The following MED14 variants were observed in gnomAD, a reference collection of about 807,000 sequenced individuals.
MED14 encodes mediator of RNA polymerase II transcription subunit 14.
Under a neutral mutation model 109.0 loss-of-function variants are expected in MED14, and 8 were observed. The ratio of observed to expected loss-of-function variants is 0.07; its 90% confidence interval spans 0.04 to 0.13. The LOEUF (loss-of-function observed/expected upper bound fraction) is 0.13, where lower values mean the gene tolerates loss of function less well. MED14 is among the 10% of genes least tolerant of loss of function. MED14 has a pLI of 1.00. For synonymous variants in MED14, 399 were observed against 408.7 expected (o/e 0.98, Z 0.29); for missense variants, 711 against 1,142.4 (o/e 0.62, Z 5.44).
intron 16 of MED14, among the ~76,000 whole-genome samples, chrX:40,686,545 T>G (rs5918025): frequency 0.37 from 41,359 of 110,629 alleles, 8,290 homozygotes; most frequent in African/African-American, 0.79. Flanking sequence ...TGTGGAAATG[T>G]TGTTAAGATA....
chrX:40,705,320 A>C (rs779653380), intron 10 of MED14, among the ~76,000 whole-genome samples: 1 of 112,213 alleles, frequency 8.9e-6, no homozygotes, highest in Non-Finnish European at 1.9e-5. Context: ...CAACAGAGTA[A>C]AACTAGTTCT....
intron 23 of MED14, among the ~76,000 whole-genome samples, chrX:40,671,560 C>T (rs1929732023): frequency 8.9e-6 from 1 of 112,339 alleles, no homozygotes; most frequent in South Asian, 3.7e-4. Context: ...GGATTTGGCT[C>T]ATAGGCCTTA....
Position 40,650,037 on chromosome X carries a change from C to T in MED14, c.*1769G>A. 1 of 744,601 alleles carries T rather than the reference C, an allele frequency of 1.3e-6. No individual in the cohort carries two copies. Among genetic ancestry groups the T allele is most frequent in the Non-Finnish European group, 1.6e-6 (1 of 630,294 alleles). 61.4% of individuals were successfully genotyped at this position (744,601 alleles called of 1,213,427 possible). ...CAATATTATCCTGCAGATAAAAATA[C>T]ATTTCTTGTATATACATGTAGATTT... On this transcript the variant is annotated 3_prime_UTR_variant, in exon 31 of 31. Transcript: ENST00000324817.
At chrX:40,680,171 G>A (rs1167067800) in intron 20 of MED14, 38 bp from the exon 21 acceptor site, 1 of 1,174,293 alleles carries the variant, frequency 8.5e-7, no homozygotes, top group Non-Finnish European at 1.1e-6. Flanking sequence ...GCCAGTTTCT[G>A]TACAAATGTT....
At chrX:40,735,709 A>G (rs1425969156), upstream of MED14, 1 of 449,702 alleles carries the variant, frequency 2.2e-6, no homozygotes, top group East Asian at 4.6e-5. Context: ...TTCGCCAGAC[A>G]GCCGCAACGT....
intron 16 of MED14, among the ~76,000 whole-genome samples, chrX:40,687,070 T>G (rs1930321370): frequency 9.0e-6 from 1 of 111,584 alleles, no homozygotes; most frequent in Non-Finnish European, 1.9e-5. Flanking sequence ...TATCTACTTC[T>G]CCTTCCCAGA....
chrX:40,698,004 T>C (rs947434391), intron 12 of MED14, among the ~76,000 whole-genome samples: 9 of 112,182 alleles, frequency 8.0e-5, no homozygotes, highest in African/African-American at 2.9e-4. Flanking sequence ...GTTTTTTTCA[T>C]TGAAAGACAA....
intron 15 of MED14, among the ~76,000 whole-genome samples, 165 bp downstream of exon 15, chrX:40,692,018 A>G (rs1471404272): frequency 1.8e-5 from 2 of 111,429 alleles, no homozygotes; most frequent in African/African-American, 6.5e-5. Flanking sequence ...CATGTTTTAC[A>G]TGTATACCAT....
intron 16 of MED14, among the ~76,000 whole-genome samples, chrX:40,685,573 C>G (rs4827041): frequency 0.23 from 25,222 of 111,366 alleles, 2,423 homozygotes; most frequent in African/African-American, 0.38. Flanking sequence ...TACTACTGCA[C>G]ATGACTGTGA....
At position 40,666,844 on chromosome X, in the gene MED14, C is replaced by T; in HGVS notation, c.3141G>A (p.Leu1047=). 8.6e-7 allele frequency: 1 copy of T among 1,167,175 alleles called. No individual in the cohort carries two copies. Among genetic ancestry groups the T allele is most frequent in the Non-Finnish European group, 1.1e-6 (1 of 873,362 alleles). ...CCCCACTGGGGGAGCTGGCAGCATGCAGATTTCCTAATAAAGGAAAATAAT... is the reference window on the plus strand; with the variant it reads ...CCCCACTGGGGGAGCTGGCAGCATGTAGATTTCCTAATAAAGGAAAATAAT... The part of the protein sequence containing the change: ...SMMHTQSPGN[L]HAASSPSGAL... Residue 1047 remains leucine (L), a synonymous_variant, in exon 24 of 31, where the codon CTG becomes CTA. Transcript: ENST00000324817.
At chrX:40,686,732 C>G (rs1288890665) in intron 16 of MED14, among the ~76,000 whole-genome samples, 4 of 111,716 alleles carry the variant, frequency 3.6e-5, no homozygotes, top group Non-Finnish European at 7.5e-5. Context: ...TCTTAGCAGA[C>G]AGAGGAATTC....
In MED14 at chrX:40,692,816, T is replaced by A; in HGVS notation, c.1737A>T (p.Glu579Asp). Reference sequence around the variant, plus strand: ...GCAGCAATGCCATTGCAGGGCTGTCTTCACGATCTGCAGCATTCACAGACA... The same window carrying A: ...GCAGCAATGCCATTGCAGGGCTGTCATCACGATCTGCAGCATTCACAGACA... The part of the protein sequence containing the change: ...YFMSVNAADR[E>D]DSPAMALLLQ... The change falls in exon 14 of 31, where the codon GAA becomes GAT. Residue 579 changes from glutamate to aspartate, a missense_variant. Physicochemically the swap from Glu to Asp is conservative, Grantham distance 45. This residue lies in a region of MED14 where 388 missense variants were observed against 517.3 expected (regional missense o/e 0.75). Coordinates refer to ENST00000324817, the MANE Select transcript of MED14 (RefSeq NM_004229.4). 1 of 1,209,512 alleles carries A rather than the reference T, an allele frequency of 8.3e-7. No homozygotes were observed. Among genetic ancestry groups the A allele is most frequent in the South Asian group, 1.8e-5 (1 of 56,359 alleles).
Position 40,688,462 on chromosome X carries a change from G to A in MED14, c.2049C>T (p.Arg683=), listed in dbSNP as rs1182085109. The A allele has an allele frequency of 2.5e-6, 3 of 1,200,702 alleles. No homozygotes were observed. The Admixed American group carries it at 6.5e-5, about 26-fold the overall frequency. ...ATATGACAGGGGCTTACTTTAATAA[G>A]CGAATTGCATGGCTGAAGCCATCAC... ...VEGDGFSHAI[R]LLKIPPCKGI... is the part of the protein sequence containing the mutation. The change falls in exon 16 of 31, where the codon CGC becomes CGT. Residue 683 remains arginine, a synonymous_variant. Transcript: ENST00000324817.
At chrX:40,680,953 C>A (rs377281932) in intron 19 of MED14, 43 bp from the exon 20 acceptor site, 35 of 889,071 alleles carry the variant, frequency 3.9e-5, no homozygotes, top group African/African-American at 1.7e-4. Context: ...GAGAAAGTAA[C>A]AGATTCAAGT....
chrX:40,709,914 G>A (rs1931278451), intron 9 of MED14, 65 bp downstream of exon 9: 6 of 804,032 alleles, frequency 7.5e-6, no homozygotes, highest in Non-Finnish European at 1.1e-5. Context: ...TGTGCTAAGA[G>A]TTTAAGGATA....
At position 40,708,395 on chromosome X, in the gene MED14, T is replaced by A. The variant is rs531192294; in HGVS notation, c.1285+953A>T. The stretch of plus-strand genomic sequence containing the variant: ...TCTGTCTTTCCTTCAGGCAATTTTT[T>A]AAAATCTATTTCTGTCAAAGTGATT... On this transcript the variant is annotated intron_variant, in intron 10 of 30. Coordinates refer to ENST00000324817, the MANE Select transcript of MED14 (RefSeq NM_004229.4). Among the ~76,000 whole-genome samples, 5 of 112,206 alleles carry A rather than the reference T, an allele frequency of 4.5e-5. No individual in the cohort carries two copies. The South Asian group carries it at 1.8e-3, about 41-fold the overall frequency.
At chrX:40,735,798 T>G (rs1014480468), upstream of MED14, 18 of 347,588 alleles carry the variant, frequency 5.2e-5, no homozygotes, top group Non-Finnish European at 7.1e-5. Flanking sequence ...CAGGTCTGTG[T>G]CTGTTCTCTC....
chrX:40,713,156 G>T (rs1407330128), intron 5 of MED14, 114 bp from the exon 6 acceptor site: 66 of 745,709 alleles, frequency 8.9e-5, no homozygotes, highest in Non-Finnish European at 1.2e-4. Flanking sequence ...TAGATTGAAG[G>T]TTCTTTCATA....
intron 13 of MED14, 64 bp from the exon 14 acceptor site, chrX:40,692,966 C>T (rs1930583578): frequency 3.7e-6 from 3 of 807,525 alleles, no homozygotes; most frequent in East Asian, 4.0e-5. Flanking sequence ...TTCCTCCGTA[C>T]ATCATCAAGT....
Sources: gnomAD v4.1 joint callset for allele counts (sites outside exome capture counted in the v4.1 genomes callset) on GRCh38, gnomAD v4.1.1 for gene constraint, gnomAD v4.1.1 regional missense constraint, MANE v1.5 for transcripts, NCBI Gene and HGNC (gene_info 2026-07-23, HGNC 2026-07-21) for gene names.